Variants in SLC38A6 observed in about 807,000 individuals in gnomAD.
The protein encoded by SLC38A6 is solute carrier family 38 member 6.
A neutral mutation model predicts 65.0 loss-of-function variants in SLC38A6; 73 were observed. The observed-to-expected ratio is 1.12, with a 90% CI of 0.93 to 1.37. The LOEUF is 1.37. Ranked by LOEUF, SLC38A6 falls within the 40% of genes most tolerant of loss-of-function variation. The pLI is 0.00. For missense variants in SLC38A6, 561 were observed against 531.1 expected (o/e 1.06, Z -0.55); for synonymous variants, 183 against 178.8 (o/e 1.02, Z -0.19).
At chr14:61,010,588 C>G (rs1239123608) in intron 3 of SLC38A6, among the ~76,000 whole-genome samples, 4 of 152,102 alleles carry the variant, frequency 2.6e-5, no homozygotes, top group African/African-American at 7.2e-5. Flanking sequence ...TCCAAGTTCA[C>G]CTTTCTACAT....
At position 60,986,055 on chromosome 14, in the gene SLC38A6, C is replaced by T. The variant is rs1300869051; in HGVS notation, c.310+1252C>T. Among the ~76,000 whole-genome samples the T allele has an allele frequency of 3.3e-5, 5 of 152,368 alleles. 1 individual carries two copies. The Middle Eastern group carries it at 0.017, about 518-fold the overall frequency. ...CTCCCCTTTGGCCCTACCTCCAACA[C>T]TGGGGATCTGATTTCAACATGAGAT... On this transcript the variant is annotated intron_variant, in intron 3 of 15. Transcript: ENST00000267488.
chr14:61,030,023 G>T (rs574637416), intron 5 of SLC38A6, among the ~76,000 whole-genome samples: 1 of 152,272 alleles, frequency 6.6e-6, no homozygotes, highest in Admixed American at 6.5e-5. Flanking sequence ...AGATAATCCA[G>T]TTACTAGCCA....
At chr14:61,043,653 C>A (rs2041948992) in intron 10 of SLC38A6, 150 bp downstream of exon 10, 17 of 280,130 alleles carry the variant, frequency 6.1e-5, no homozygotes, top group Admixed American at 1.1e-4. Flanking sequence ...CAGAAGACTA[C>A]TATTATTTAA....
chr14:60,986,626 A>G lies in SLC38A6; in HGVS notation c.310+1823A>G, dbSNP rs182710592. 4.7e-4 allele frequency among the ~76,000 whole-genome samples: 71 copies of G among 152,378 alleles called. 1 individual carries two copies. Among genetic ancestry groups the G allele is most frequent in the Non-Finnish European group, 2.9e-4 (20 of 68,040 alleles). On this transcript the variant is annotated intron_variant, in intron 3 of 15. Coordinates refer to ENST00000267488, the MANE Select transcript of SLC38A6 (RefSeq NM_153811.3). ...ATAAAAGCATCCTGAATTTAGGAAT[A>G]ATAGCTTTAGATAAATATATTTGTA...
In SLC38A6 at chr14:61,052,153, C is replaced by G. The variant is rs755834983; in HGVS notation, c.1290+18C>G. 2 of 1,522,230 alleles carry G rather than the reference C, an allele frequency of 1.3e-6. No homozygotes were observed. Among genetic ancestry groups the G allele is most frequent in the East Asian group, 2.4e-5 (1 of 42,158 alleles). The allele number at this position is 1,522,230 out of a possible 1,614,324, so 94.3% of individuals were successfully genotyped here. Reference sequence around the variant, plus strand: ...AGCTTGGGGTAGGTTGTTTTTGTTTCTTTCTTTCAAGACTTCTATTTTAAG... The same window carrying G: ...AGCTTGGGGTAGGTTGTTTTTGTTTGTTTCTTTCAAGACTTCTATTTTAAG... On this transcript the variant is annotated intron_variant, in intron 15 of 15. Transcript: ENST00000267488.
chr14:61,027,074 T>C (rs1293438513), intron 5 of SLC38A6, among the ~76,000 whole-genome samples: 1 of 152,176 alleles, frequency 6.6e-6, no homozygotes, highest in Non-Finnish European at 1.5e-5. Context: ...TTTAGTCACT[T>C]TTTAATATTA....
chr14:60,995,383 C>T (rs2038214816), intron 3 of SLC38A6, among the ~76,000 whole-genome samples: 1 of 152,188 alleles, frequency 6.6e-6, no homozygotes, highest in Non-Finnish European at 1.5e-5. Flanking sequence ...AAAAATACTG[C>T]ATGATCTCAC....
chr14:60,986,965 CTG>C (rs1213760865), intron 3 of SLC38A6: 1 of 300,794 alleles, frequency 3.3e-6, no homozygotes, highest in African/African-American at 2.3e-5. Flanking sequence ...GATTCTGACA[CTG>C]TGTTTGTTCT....
intron 3 of SLC38A6, among the ~76,000 whole-genome samples, chr14:61,007,706 T>TTTCTTTAATCTCTTGCCTCA (rs11274436): frequency 1.3e-5 from 2 of 152,014 alleles, no homozygotes; most frequent in African/African-American, 4.8e-5. Flanking sequence ...AACACCGATA[T>TTTCTTTAATCTCTTGCCTCA]AAGTGACATA....
chr14:60,984,599 G>T, intron 2 of SLC38A6, 131 bp from the exon 3 acceptor site: 5 of 585,886 alleles, frequency 8.5e-6, no homozygotes, highest in Non-Finnish European at 1.6e-5. Context: ...TTTCCTTAAT[G>T]AACATAATTC....
At chr14:61,034,683 G>A (rs905766151) in intron 6 of SLC38A6, among the ~76,000 whole-genome samples, 1 of 152,112 alleles carries the variant, frequency 6.6e-6, no homozygotes, top group Admixed American at 6.6e-5. Context: ...AGATAAACAC[G>A]TTGAGTATCA....
chr14:61,036,650 T>C (rs996040210), intron 6 of SLC38A6, among the ~76,000 whole-genome samples: 5 of 152,190 alleles, frequency 3.3e-5, no homozygotes, highest in Admixed American at 6.5e-5. Flanking sequence ...TTTTTAATAG[T>C]CTTTTATAAG....
intron 5 of SLC38A6, among the ~76,000 whole-genome samples, chr14:61,028,316 C>T (rs1186767546): frequency 6.6e-6 from 1 of 152,090 alleles, no homozygotes; most frequent in African/African-American, 2.4e-5. Context: ...TAATAAATTA[C>T]ATTTTATAGG....
intron 15 of SLC38A6, among the ~76,000 whole-genome samples, chr14:61,074,444 T>A (rs1283925117): frequency 6.6e-6 from 1 of 152,184 alleles, no homozygotes; most frequent in Admixed American, 6.5e-5. Context: ...CTTCCTGGCT[T>A]GCAAATGGCT....
intron 16 of SLC38A6, among the ~76,000 whole-genome samples, chr14:61,080,662 GC>G (rs1450248744): frequency 6.6e-6 from 1 of 152,202 alleles, no homozygotes; most frequent in Non-Finnish European, 1.5e-5. Flanking sequence ...AGGCTCCCCA[GC>G]CCTCCGGAAA....
chr14:61,018,442 T>A (rs886780308), intron 4 of SLC38A6, among the ~76,000 whole-genome samples: 1 of 152,158 alleles, frequency 6.6e-6, no homozygotes, highest in Non-Finnish European at 1.5e-5. Context: ...ACCTCAAGGC[T>A]CCTAGGTCCT....
intron 1 of SLC38A6, 106 bp downstream of exon 1, chr14:60,981,488 G>T: frequency 6.5e-7 from 1 of 1,537,260 alleles, no homozygotes. Flanking sequence ...CAGGGGAGAT[G>T]CTGGAGCCTG....
chr14:61,074,991 T>C (rs552885580), intron 15 of SLC38A6, among the ~76,000 whole-genome samples: 1 of 152,218 alleles, frequency 6.6e-6, no homozygotes, highest in African/African-American at 2.4e-5. Flanking sequence ...TTATGTGAAT[T>C]TCACCTCAAT....
At chr14:60,998,808 G>C (rs1028115759) in intron 3 of SLC38A6, among the ~76,000 whole-genome samples, 42 of 152,318 alleles carry the variant, frequency 2.8e-4, no homozygotes, top group African/African-American at 9.1e-4. Context: ...CCTGTAAGGG[G>C]TTTGAGAGTG....
Sources: allele counts gnomAD v4.1 joint callset (sites outside exome capture counted in the v4.1 genomes callset), GRCh38; gene constraint gnomAD v4.1.1; transcripts MANE v1.5; gene names NCBI Gene and HGNC (gene_info 2026-07-23, HGNC 2026-07-21).